Variants in GPHN observed in about 807,000 individuals in gnomAD.
GPHN encodes the protein gephyrin.
In GPHN, 17 loss-of-function variants were observed where a neutral mutation model predicts 95.5. The ratio of observed to expected loss-of-function variants is 0.18; its 90% confidence interval spans 0.12 to 0.27. GPHN has a LOEUF of 0.27. Among genes scored for constraint, GPHN ranks in the 10% least tolerant of loss-of-function variants. The probability of loss-of-function intolerance (pLI) is 1.00; values close to 1 mark genes in which losing one functional copy is unlikely to be tolerated. For missense variants in GPHN, 660 were observed against 978.1 expected (o/e 0.67, Z 4.34); for synonymous variants, 320 against 322.5 (o/e 0.99, Z 0.08).
the GPHN span, chr14:67,302,562 T>C: frequency 6.6e-7 from 1 of 1,511,374 alleles, no homozygotes; most frequent in South Asian, 1.4e-5. Context: ...ATGAGGTTTT[T>C]GACTTGTTGG....
At chr14:67,310,379 C>T in the GPHN span, among the ~76,000 whole-genome samples, 421 of 152,178 alleles carry the variant, frequency 2.8e-3, 2 homozygotes, top group African/African-American at 9.6e-3. Context: ...TATGCTATTC[C>T]ATGTATATGA....
chr14:67,015,608 A>G (rs942439768), intron 9 of GPHN, among the ~76,000 whole-genome samples: 4 of 152,206 alleles, frequency 2.6e-5, no homozygotes, highest in Admixed American at 6.5e-5. Context: ...GAGGCAGGAG[A>G]GTTGCTTGAA....
Position 67,010,022 on chromosome 14 carries a change from G to C in GPHN, c.964-13611G>C, listed in dbSNP as rs183657296. Among the ~76,000 whole-genome samples the C allele has an allele frequency of 3.3e-3, 498 of 151,972 alleles. 3 individuals are homozygous for C. The highest frequency in any genetic ancestry group is 4.2e-3 in the Non-Finnish European group (286 of 67,974). ...GATTTGCCCGCCTCGGCCTCCCAAAGTGCTGGGATTACAGACGTGAGCCAC... is the reference window on the plus strand; with the variant it reads ...GATTTGCCCGCCTCGGCCTCCCAAACTGCTGGGATTACAGACGTGAGCCAC... On this transcript the variant is annotated intron_variant, in intron 9 of 22. Transcript: ENST00000478722.
At chr14:66,561,154 T>C (rs566837490) in intron 1 of GPHN, among the ~76,000 whole-genome samples, 96 of 152,318 alleles carry the variant, frequency 6.3e-4, no homozygotes, top group African/African-American at 2.2e-3. Context: ...CAGTATTTTA[T>C]TGAGGATTTT....
At chr14:66,976,512 C>T (rs918043458) in intron 9 of GPHN, among the ~76,000 whole-genome samples, 2 of 152,050 alleles carry the variant, frequency 1.3e-5, no homozygotes, top group African/African-American at 4.8e-5. Flanking sequence ...GTAAACTATC[C>T]TCTGGATCTT....
the GPHN span, chr14:67,581,956 A>G: frequency 9.6e-7 from 1 of 1,039,516 alleles, no homozygotes; most frequent in Non-Finnish European, 1.4e-6. Flanking sequence ...GCTCATAAAT[A>G]GTGGGAAAAG....
chr14:66,830,100 A>G (rs1033017796), intron 4 of GPHN, among the ~76,000 whole-genome samples: 1 of 152,208 alleles, frequency 6.6e-6, no homozygotes, highest in Non-Finnish European at 1.5e-5. Context: ...AAGACCGCAT[A>G]GCCTATAAAG....
At chr14:67,202,081 G>C in the GPHN span, among the ~76,000 whole-genome samples, 4 of 152,204 alleles carry the variant, frequency 2.6e-5, no homozygotes. Context: ...GGGTGTGCCA[G>C]AACTGGTCGA....
In GPHN at chr14:67,118,571, C is replaced by CA. The variant is rs542830436; in HGVS notation, c.1627-3678dup. On this transcript the variant is annotated intron_variant, in intron 16 of 22. Coordinates refer to ENST00000478722, the MANE Select transcript of GPHN (RefSeq NM_020806.5). ...TGAAACCCCTACTCTACTAAAAATACAAAAAAATTAGCCGGGTGTGGTGGC... is the reference window on the plus strand; with the variant it reads ...TGAAACCCCTACTCTACTAAAAATACAAAAAAAATTAGCCGGGTGTGGTGGC... Among the ~76,000 whole-genome samples, 599 of 151,912 alleles carry CA rather than the reference C, an allele frequency of 3.9e-3. 5 individuals carry two copies. Among genetic ancestry groups the CA allele is most frequent in the African/African-American group, 0.014 (575 of 41,452 alleles).
intron 5 of GPHN, among the ~76,000 whole-genome samples, chr14:66,912,724 A>T (rs921174653): frequency 6.6e-6 from 1 of 152,096 alleles, no homozygotes; most frequent in African/African-American, 2.4e-5. Context: ...TGAATTCATG[A>T]CTTCTACTGT....
the GPHN span, among the ~76,000 whole-genome samples, chr14:67,237,049 C>T: frequency 6.6e-6 from 1 of 151,996 alleles, no homozygotes; most frequent in Non-Finnish European, 1.5e-5. Context: ...AAGATCACAC[C>T]ACTGTACTCC....
At chr14:66,511,978 A>C (rs1213856236) in intron 1 of GPHN, among the ~76,000 whole-genome samples, 1 of 151,944 alleles carries the variant, frequency 6.6e-6, no homozygotes, top group African/African-American at 2.4e-5. Flanking sequence ...ACTTGACAGA[A>C]ATGAAAGTCA....
Position 66,719,413 on chromosome 14 carries a change from A to G in GPHN, c.143+38228A>G, listed in dbSNP as rs558927416. Among the ~76,000 whole-genome samples the G allele has an allele frequency of 3.3e-5, 5 of 152,232 alleles. No homozygotes were observed. The East Asian group carries it at 7.7e-4, about 24-fold the overall frequency. On this transcript the variant is annotated intron_variant, in intron 2 of 22. Transcript: ENST00000478722. ...CATAAACTAGACATTAAGTTTCCCC[A>G]GTGAGGATGTGTGTTCGGGGGCTGA...
At chr14:67,614,355 C>G in the GPHN span, among the ~76,000 whole-genome samples, 1 of 152,136 alleles carries the variant, frequency 6.6e-6, no homozygotes, top group South Asian at 2.1e-4. Context: ...TGTAGTTTAC[C>G]CTTCTCTGAG....
intron 11 of GPHN, among the ~76,000 whole-genome samples, chr14:67,067,837 C>T (rs2076123546): frequency 1.3e-5 from 2 of 152,204 alleles, no homozygotes; most frequent in Admixed American, 6.5e-5. Flanking sequence ...AGGAATGCCC[C>T]GTTTTTCGAG....
At chr14:66,908,721 A>T (rs2065514771) in intron 5 of GPHN, among the ~76,000 whole-genome samples, 1 of 152,110 alleles carries the variant, frequency 6.6e-6, no homozygotes, top group African/African-American at 2.4e-5. Flanking sequence ...TCAGATTGAT[A>T]GCATATACCT....
the GPHN span, among the ~76,000 whole-genome samples, chr14:67,393,901 T>C: frequency 6.6e-6 from 1 of 152,172 alleles, no homozygotes; most frequent in Non-Finnish European, 1.5e-5. Flanking sequence ...CCAAAAAAGC[T>C]TGCTATATAA....
chr14:67,255,730 T>G, the GPHN span, among the ~76,000 whole-genome samples: 7 of 152,224 alleles, frequency 4.6e-5, no homozygotes, highest in East Asian at 1.3e-3. Context: ...GCCCAGGCTG[T>G]AGTGCAGTAG....
At chr14:66,567,817 A>G (rs1172121955) in intron 1 of GPHN, among the ~76,000 whole-genome samples, 1 of 152,150 alleles carries the variant, frequency 6.6e-6, no homozygotes, top group Non-Finnish European at 1.5e-5. Context: ...TTTGTTAACT[A>G]GGTGTTTTTT....
Sources: allele counts gnomAD v4.1 joint callset (sites outside exome capture counted in the v4.1 genomes callset), GRCh38; gene constraint gnomAD v4.1.1; transcripts MANE v1.5; gene names NCBI Gene and HGNC (gene_info 2026-07-23, HGNC 2026-07-21).